The following NCAPD2 variants were observed in gnomAD, a reference collection of about 807,000 sequenced individuals.
The protein encoded by NCAPD2 is non-SMC condensin I complex subunit D2.
Under a neutral mutation model 164.5 loss-of-function variants are expected in NCAPD2, and 100 were observed. The observed-to-expected ratio is 0.61, with a 90% CI of 0.52 to 0.72. NCAPD2 has a LOEUF of 0.72. NCAPD2 is among the 30% of genes least tolerant of loss of function. The pLI is 0.00. For synonymous variants in NCAPD2, 585 were observed against 642.6 expected, an observed-to-expected ratio of 0.91 and a Z score of 1.36; for missense variants, 1,560 against 1,749.2, an observed-to-expected ratio of 0.89 and a Z score of 1.93.
chr12:6,523,397 T>TG, intron 17 of NCAPD2, 51 bp downstream of exon 17: 6 of 1,363,850 alleles, frequency 4.4e-6, no homozygotes, highest in African/African-American at 2.0e-5. Context: ...GTATTTTGGT[T>TG]GTTTTTTTTT....
Position 6,514,448 on chromosome 12 carries a change from T to C in NCAPD2, c.716-16T>C. On this transcript the variant is annotated splice_polypyrimidine_tract_variant and intron_variant, in intron 7 of 31. Coordinates refer to ENST00000315579, the MANE Select transcript of NCAPD2 (RefSeq NM_014865.4). ...TTTGTATTGCCCATAATTTCTCATG[T>C]TTAATGCTTCCACAGGTGCTACAGT... is the stretch of plus-strand genomic sequence containing the variant. 3 of 1,614,170 alleles carry C rather than the reference T, an allele frequency of 1.9e-6. No homozygotes were observed. The highest frequency in any genetic ancestry group is 2.5e-6 in the Non-Finnish European group (3 of 1,180,026).
At chr12:6,497,192 T>G (rs1014548034) in intron 2 of NCAPD2, among the ~76,000 whole-genome samples, 10 of 152,232 alleles carry the variant, frequency 6.6e-5, no homozygotes, top group African/African-American at 2.4e-4. Context: ...GGTATACTAT[T>G]CTGTCCATAT....
At chr12:6,508,211 A>G (rs1344906534) in intron 2 of NCAPD2, among the ~76,000 whole-genome samples, 2 of 152,024 alleles carry the variant, frequency 1.3e-5, no homozygotes, top group Non-Finnish European at 1.5e-5. Context: ...AGTCCTAGCT[A>G]CGTGGGAGGC....
At chr12:6,506,458 C>T (rs1384710660) in intron 2 of NCAPD2, among the ~76,000 whole-genome samples, 1 of 151,748 alleles carries the variant, frequency 6.6e-6, no homozygotes, top group Non-Finnish European at 1.5e-5. Context: ...GGCATGGTGG[C>T]GGGCGCCGGT....
At chr12:6,519,736 C>G (rs2137054272) in intron 13 of NCAPD2, among the ~76,000 whole-genome samples, 1 of 152,210 alleles carries the variant, frequency 6.6e-6, no homozygotes, top group South Asian at 2.1e-4. Flanking sequence ...GGTGCAATGG[C>G]TCATGCCTGT....
intron 2 of NCAPD2, among the ~76,000 whole-genome samples, chr12:6,509,494 G>A (rs540026466): frequency 1.3e-4 from 19 of 151,954 alleles, no homozygotes; most frequent in African/African-American, 3.1e-4. Flanking sequence ...ACTTCTGACC[G>A]CAGGTAATCC....
At position 6,529,767 on chromosome 12, in the gene NCAPD2, A is replaced by G. The variant is rs932086009; in HGVS notation, c.3654-8A>G. 4.4e-6 allele frequency: 7 copies of G among 1,608,834 alleles called. No homozygotes were observed. The highest frequency in any genetic ancestry group is 5.1e-6 in the Non-Finnish European group (6 of 1,176,186). ...CCCAGTTCCTCACAAAGCCCTTCCTATCTGCAGAACTGAGCGGCAGCAGCG... is the reference window on the plus strand; with the variant it reads ...CCCAGTTCCTCACAAAGCCCTTCCTGTCTGCAGAACTGAGCGGCAGCAGCG... On this transcript the variant is annotated splice_polypyrimidine_tract_variant and splice_region_variant and intron_variant, in intron 28 of 31. Transcript: ENST00000315579.
chr12:6,523,338 G>C lies in NCAPD2; in HGVS notation c.2206G>C (p.Glu736Gln). The C allele has an allele frequency of 6.2e-7, 1 of 1,611,158 alleles. No individual in the cohort carries two copies. Among genetic ancestry groups the C allele is most frequent in the Non-Finnish European group, 8.5e-7 (1 of 1,178,026 alleles). The change falls in exon 17 of 32, where the codon GAG (glutamate) becomes CAG (glutamine). Residue 736 changes from glutamate to glutamine, a missense_variant. Physicochemically the swap from Glu to Gln is conservative, Grantham distance 29. Transcript: ENST00000315579. ...CTCGGTTGGGACCATTCAGTGTCTTGAGGAAATTGTAAGGCTTCCTGCTTT... is the reference window on the plus strand; with the variant it reads ...CTCGGTTGGGACCATTCAGTGTCTTCAGGAAATTGTAAGGCTTCCTGCTTT... ...DASVGTIQCL[E>Q]EILCEFVQKD...
At chr12:6,497,066 A>C (rs933284341) in intron 2 of NCAPD2, among the ~76,000 whole-genome samples, 3 of 152,194 alleles carry the variant, frequency 2.0e-5, no homozygotes, top group Non-Finnish European at 4.4e-5. Flanking sequence ...GGTTTAACTG[A>C]TCAAGCTTAT....
intron 13 of NCAPD2, 153 bp from the exon 14 acceptor site, chr12:6,520,833 C>T: frequency 1.1e-6 from 1 of 902,806 alleles, no homozygotes; most frequent in South Asian, 1.8e-5. Flanking sequence ...AGCCCTACCC[C>T]TTAGTAGGTG....
intron 22 of NCAPD2, 148 bp downstream of exon 22, chr12:6,527,211 C>T (rs1002839553): frequency 9.9e-5 from 85 of 860,592 alleles, no homozygotes; most frequent in Non-Finnish European, 1.3e-4. Context: ...AGGAAAGGTT[C>T]GTGTGAACAA....
At position 6,525,749 on chromosome 12, in the gene NCAPD2, G is replaced by A. The variant is rs200883353; in HGVS notation, c.2348+33G>A. The A allele has an allele frequency of 4.5e-4, 720 of 1,607,146 alleles. 2 individuals carry two copies. Among genetic ancestry groups the A allele is most frequent in the Middle Eastern group, 3.7e-3 (21 of 5,690 alleles). Reference sequence around the variant, plus strand: ...TCAAATCTAGCAGGCAATGGGGTGGGAGAGCAAAGGAAGGTTCTGAGAGGG... The same window carrying A: ...TCAAATCTAGCAGGCAATGGGGTGGAAGAGCAAAGGAAGGTTCTGAGAGGG... On this transcript the variant is annotated intron_variant, in intron 18 of 31. Coordinates refer to ENST00000315579, the MANE Select transcript of NCAPD2 (RefSeq NM_014865.4).
In NCAPD2 at chr12:6,523,363, T is replaced by TC. The variant is rs1232026971; in HGVS notation, c.2214+18dup. On this transcript the variant is annotated intron_variant, in intron 17 of 31. Transcript: ENST00000315579. Reference sequence around the variant, plus strand: ...GAGGAAATTGTAAGGCTTCCTGCTTTCTCTTTCTTTATTCATTCAACAAGT... The same window carrying TC: ...GAGGAAATTGTAAGGCTTCCTGCTTTCCTCTTTCTTTATTCATTCAACAAGT... 6 of 1,585,862 alleles carry TC rather than the reference T, an allele frequency of 3.8e-6. No individual in the cohort carries two copies. The highest frequency in any genetic ancestry group is 1.7e-6 in the Non-Finnish European group (2 of 1,159,580).
rs200984606 is a variant in NCAPD2, at chr12:6,531,510, T to TA, written c.*98_*99insA. The TA allele has an allele frequency of 7.8e-3, 11,237 of 1,446,160 alleles. 136 individuals are homozygous for TA. Among genetic ancestry groups the TA allele is most frequent in the African/African-American group, 0.074 (4,710 of 63,562 alleles). 89.6% of individuals were successfully genotyped at this position (1,446,160 alleles called of 1,614,324 possible). On this transcript the variant is annotated 3_prime_UTR_variant, in exon 32 of 32. Coordinates refer to ENST00000315579, the MANE Select transcript of NCAPD2 (RefSeq NM_014865.4). This position sits in a 1 kb window ranked among gnomAD's most constrained non-coding sequence, Gnocchi z 4.1. Reference sequence around the variant, plus strand: ...TAAAATATTTGTCTGTCTCTTTTTTTTAAAAAAAAAAAAGGCCGGGCACTG... The same window carrying TA: ...TAAAATATTTGTCTGTCTCTTTTTTTATAAAAAAAAAAAAGGCCGGGCACTG...
intron 22 of NCAPD2, among the ~76,000 whole-genome samples, chr12:6,527,391 G>C (rs1311192793): frequency 1.3e-5 from 2 of 152,226 alleles, no homozygotes; most frequent in Non-Finnish European, 2.9e-5. Flanking sequence ...CCTGGCCCCG[G>C]ATGGGGCCCT....
rs1490379832 is a variant in NCAPD2, at chr12:6,531,087, C to T, written c.4120+11C>T. 1 of 1,612,538 alleles carries T rather than the reference C, an allele frequency of 6.2e-7. No individual in the cohort carries two copies. The highest frequency in any genetic ancestry group is 8.5e-7 in the Non-Finnish European group (1 of 1,179,902). On this transcript the variant is annotated intron_variant, in intron 31 of 31. Transcript: ENST00000315579. This position sits in a 1 kb window ranked among gnomAD's most constrained non-coding sequence, Gnocchi z 4.1. ...AGTCCAGTGAGGAAGGTATGATGCT[C>T]CCGCCTGTTCCCGGCCGAGAAGGCA... is the stretch of plus-strand genomic sequence containing the variant.
chr12:6,507,083 G>T (rs1397610369), intron 2 of NCAPD2, among the ~76,000 whole-genome samples: 1 of 152,208 alleles, frequency 6.6e-6, no homozygotes, highest in Admixed American at 6.5e-5. Context: ...CACCAAGAAT[G>T]GTTGATTACA....
chr12:6,528,994 AC>A lies in NCAPD2; in HGVS notation c.3531del (p.Glu1178SerfsTer13). 6.2e-7 allele frequency: 1 copy of A among 1,613,468 alleles called. No individual in the cohort carries two copies. Among genetic ancestry groups the A allele is most frequent in the Non-Finnish European group, 8.5e-7 (1 of 1,179,988 alleles). On this transcript the variant is annotated frameshift_variant, in exon 27 of 32. Transcript: ENST00000315579. LOFTEE classifies it high-confidence loss of function. The surrounding 1 kb of genome is among the most constrained non-coding windows in gnomAD (Gnocchi z 5.1). The stretch of plus-strand genomic sequence containing the variant: ...CCAGATATCATCAGCCGCCTGTCAG[AC>A]CCCGAGCTGGGGGTGGAGGAAGAGC... The part of the protein sequence containing the change: ...LLPDIISRLS[D>X]PELGVEEEPF...
At chr12:6,522,155 A>G in intron 15 of NCAPD2, 118 bp downstream of exon 15, 2 of 1,154,258 alleles carry the variant, frequency 1.7e-6, no homozygotes, top group Non-Finnish European at 2.4e-6. Flanking sequence ...GCTGGTCTCC[A>G]ACTCCTGGGC....
Sources: gnomAD v4.1 joint callset for allele counts (sites outside exome capture counted in the v4.1 genomes callset) on GRCh38, gnomAD v4.1.1 for gene constraint, Gnocchi (gnomAD v3.1) non-coding constraint, MANE v1.5 for transcripts, NCBI Gene and HGNC (gene_info 2026-07-23, HGNC 2026-07-21) for gene names.